CATSPERG: variants seen among roughly 807,000 people sequenced by gnomAD.
The protein encoded by CATSPERG is catsper channel auxiliary subunit gamma, also known as cation channel sperm-associated auxiliary subunit gamma.
In CATSPERG, 115 loss-of-function variants were observed where a neutral mutation model predicts 145.0. That is an observed-to-expected ratio of 0.79 (90% CI 0.68 to 0.93). The LOEUF (loss-of-function observed/expected upper bound fraction) is 0.93. Ranked by LOEUF, CATSPERG falls within the 40% of genes least tolerant of loss-of-function variation. CATSPERG has a pLI of 0.00. For missense variants in CATSPERG, 1,296 were observed against 1,490.1 expected (o/e 0.87, Z 2.14); for synonymous variants, 588 against 589.0 (o/e 1.00, Z 0.02).
At position 38,361,552 on chromosome 19, in the gene CATSPERG, T is replaced by A. The variant is rs1970344547; in HGVS notation, c.1881-96T>A. The stretch of plus-strand genomic sequence containing the variant: ...GGAGGAAGATTCGGGCTGGATTCGA[T>A]ACGGGAAGTGGGTGGGGTGGGAAAG... On this transcript the variant is annotated intron_variant, in intron 16 of 28. Coordinates refer to ENST00000409235, the MANE Select transcript of CATSPERG (RefSeq NM_021185.5). 4.1e-6 allele frequency: 4 copies of A among 985,514 alleles called. No homozygotes were observed. The African/African-American group carries it at 6.5e-5, about 16-fold the overall frequency. The allele number at this position is 985,514 out of a possible 1,614,324, so 61.0% of individuals were successfully genotyped here.
intron 3 of CATSPERG, 66 bp downstream of exon 3, chr19:38,337,712 A>T (rs1009360525): frequency 1.5e-6 from 2 of 1,313,466 alleles, no homozygotes; most frequent in African/African-American, 1.5e-5. Flanking sequence ...TAACATTTTT[A>T]TTTATTTATT....
At chr19:38,336,477 A>G in intron 1 of CATSPERG, 1 of 301,588 alleles carries the variant, frequency 3.3e-6, no homozygotes, top group South Asian at 2.6e-5. Context: ...AGTGAGGAGC[A>G]AGCCCCGGGC....
At chr19:38,357,352 TAAAA>T (rs71165536) in intron 11 of CATSPERG, among the ~76,000 whole-genome samples, 7 of 115,426 alleles carry the variant, frequency 6.1e-5, no homozygotes, top group East Asian at 2.6e-4. Flanking sequence ...CTCTACAAAT[TAAAA>T]AAAAAAAAAA....
chr19:38,345,858 C>G (rs1311505612), intron 6 of CATSPERG, among the ~76,000 whole-genome samples: 1 of 152,146 alleles, frequency 6.6e-6, no homozygotes, highest in Non-Finnish European at 1.5e-5. Context: ...TTCATTGATG[C>G]AGTCACTCAG....
intron 28 of CATSPERG, 80 bp from the exon 29 acceptor site, chr19:38,370,446 T>C: frequency 6.3e-7 from 1 of 1,575,590 alleles, no homozygotes; most frequent in East Asian, 2.2e-5. Flanking sequence ...TCTGTCAATT[T>C]CCCTGTCACT....
chr19:38,346,560 C>T lies in CATSPERG; in HGVS notation c.780C>T (p.Tyr260=), dbSNP rs769445715. Residue 260 remains tyrosine (Y), a synonymous_variant, in exon 7 of 29, where the codon TAC becomes TAT. Coordinates refer to ENST00000409235, the MANE Select transcript of CATSPERG (RefSeq NM_021185.5). ...TGGGAGGCATTCCCAATGAGAAGTA[C>T]GTCCTGATGACTGACACCAGCTTCA... is the stretch of plus-strand genomic sequence containing the variant. ...LILGGIPNEK[Y]VLMTDTSFKD... is the part of the protein sequence containing the mutation. The T allele has an allele frequency of 4.3e-5, 67 of 1,551,604 alleles. No homozygotes were observed. The Admixed American group carries it at 7.6e-4, about 18-fold the overall frequency.
intron 17 of CATSPERG, 152 bp downstream of exon 17, chr19:38,362,013 T>C: frequency 1.1e-6 from 1 of 909,630 alleles, no homozygotes; most frequent in Admixed American, 2.5e-5. Flanking sequence ...GGGGCCTGGC[T>C]TGAGCAGGAC....
Position 38,367,195 on chromosome 19 carries a change from G to C in CATSPERG, c.2653G>C (p.Gly885Arg). The C allele has an allele frequency of 6.2e-7, 1 of 1,613,720 alleles. No homozygotes were observed. Among genetic ancestry groups the C allele is most frequent in the Non-Finnish European group, 8.5e-7 (1 of 1,179,936 alleles). Residue 885 changes from glycine (G) to arginine (R), a missense_variant, in exon 23 of 29, where the codon GGC (glycine) becomes CGC (arginine). Gly to Arg is a moderately radical substitution (Grantham distance 125, BLOSUM62 -2). Transcript: ENST00000409235. ...MVPVFIGCPPGKRLAFDITYT... is the reference protein window; with the variant it reads ...MVPVFIGCPPRKRLAFDITYT... ...GCCAGTGTTCATTGGCTGCCCCCCA[G>C]GCAAGCGCCTGGCCTTCGACATCAC...
At position 38,337,254 on chromosome 19, in the gene CATSPERG, T is replaced by C; in HGVS notation, c.20T>C (p.Phe7Ser). ...CACGTTATGTGCGGCCCAGCCATGTTCCCTGCCGGTCCTCCGTGGCCCAGA... is the reference window on the plus strand; with the variant it reads ...CACGTTATGTGCGGCCCAGCCATGTCCCCTGCCGGTCCTCCGTGGCCCAGA... MCGPAM[F>S]PAGPPWPRVR... The change falls in exon 2 of 29, where the codon TTC (phenylalanine) becomes TCC (serine). Residue 7 changes from phenylalanine to serine, a missense_variant. By Grantham distance (155) the Phe-to-Ser change is radical. Transcript: ENST00000409235. The C allele has an allele frequency of 6.4e-7, 1 of 1,551,400 alleles. No homozygotes were observed. The highest frequency in any genetic ancestry group is 8.7e-7 in the Non-Finnish European group (1 of 1,147,014).
Position 38,370,781 on chromosome 19 carries a change from T to G in CATSPERG, c.3469T>G (p.Leu1157Val). 2 of 1,613,578 alleles carry G rather than the reference T, an allele frequency of 1.2e-6. No individual in the cohort carries two copies. Among genetic ancestry groups the G allele is most frequent in the Non-Finnish European group, 1.7e-6 (2 of 1,179,608 alleles). The stretch of plus-strand genomic sequence containing the variant: ...ACCCAAGGAAGCCGTGGAGAGACAG[T>G]TGATGACCTGAGTGTCCCACCTGCC... ...AEPKEAVERQ[L>V]MT The change falls in exon 29 of 29, where the codon TTG becomes GTG. Residue 1157 changes from leucine to valine, a missense_variant. Physicochemically the swap from Leu to Val is conservative, Grantham distance 32 (BLOSUM62 1). Coordinates refer to ENST00000409235, the MANE Select transcript of CATSPERG (RefSeq NM_021185.5).
intron 8 of CATSPERG, among the ~76,000 whole-genome samples, chr19:38,353,159 C>T (rs191260316): frequency 1.1e-4 from 17 of 150,876 alleles, no homozygotes; most frequent in African/African-American, 4.1e-4. Flanking sequence ...CCTGGTGAAA[C>T]CCCATCTCTG....
intron 1 of CATSPERG, 191 bp downstream of exon 1, chr19:38,336,066 G>C (rs1200721791): frequency 1.0e-5 from 4 of 397,952 alleles, no homozygotes; most frequent in East Asian, 8.7e-5. Context: ...AGGAGGGAAA[G>C]GGGGAGCCGA....
Position 38,360,573 on chromosome 19 carries a change from A to G in CATSPERG, c.1693A>G (p.Met565Val), listed in dbSNP as rs762604585. The G allele has an allele frequency of 2.5e-6, 4 of 1,614,200 alleles. No homozygotes were observed. In the South Asian group the frequency reaches 4.4e-5, roughly 18 times the overall value. ...GCAGGTGCACATCAGCTTAAAGCTG[A>G]TGCAACAGTCCTCTCTCTACGCATC... ...GWQVHISLKL[M>V]QQSSLYASNE... Residue 565 changes from methionine (M) to valine (V), a missense_variant, in exon 15 of 29, where the codon ATG becomes GTG. Coordinates refer to ENST00000409235, the MANE Select transcript of CATSPERG (RefSeq NM_021185.5).
chr19:38,355,016 G>A lies in CATSPERG; in HGVS notation c.1135+169G>A, dbSNP rs187589806. Reference sequence around the variant, plus strand: ...GCGTTTGTAGGGGTAGGGCTTGGGGGTATGTTATGTATCTTTCATGATGTA... The same window carrying A: ...GCGTTTGTAGGGGTAGGGCTTGGGGATATGTTATGTATCTTTCATGATGTA... On this transcript the variant is annotated intron_variant, in intron 9 of 28. Transcript: ENST00000409235. Among the ~76,000 whole-genome samples the A allele has an allele frequency of 3.9e-5, 6 of 152,258 alleles. No homozygotes were observed. In the East Asian group the frequency reaches 7.7e-4, roughly 20 times the overall value.
chr19:38,340,164 A>C (rs762081869), intron 3 of CATSPERG, among the ~76,000 whole-genome samples: 2 of 151,754 alleles, frequency 1.3e-5, no homozygotes, highest in Non-Finnish European at 2.9e-5. Flanking sequence ...TGTTGAGATT[A>C]TTCTTTCCCC....
At position 38,370,058 on chromosome 19, in the gene CATSPERG, G is replaced by C. The variant is rs1811061842; in HGVS notation, c.3107G>C (p.Ser1036Thr). The C allele has an allele frequency of 1.1e-5, 18 of 1,614,048 alleles. No homozygotes were observed. Among genetic ancestry groups the C allele is most frequent in the Non-Finnish European group, 1.5e-5 (18 of 1,180,012 alleles). The change falls in exon 27 of 29, where the codon AGC becomes ACC. Residue 1036 changes from serine (S) to threonine (T), a missense_variant. Coordinates refer to ENST00000409235, the MANE Select transcript of CATSPERG (RefSeq NM_021185.5). The part of the protein sequence containing the change: ...APEFFFKVLV[S>T]NRGVDTSTYC... ...GAATTCTTCTTCAAGGTGTTGGTGAGCAATAGGTGAGCCAGGCAAGTGGCC... is the reference window on the plus strand; with the variant it reads ...GAATTCTTCTTCAAGGTGTTGGTGACCAATAGGTGAGCCAGGCAAGTGGCC...
chr19:38,362,018 C>A, intron 17 of CATSPERG, 157 bp downstream of exon 17: 1 of 906,492 alleles, frequency 1.1e-6, no homozygotes, highest in Non-Finnish European at 1.7e-6. Flanking sequence ...CTGGCTTGAG[C>A]AGGACTTCCA....
intron 24 of CATSPERG, 53 bp from the exon 25 acceptor site, chr19:38,367,628 G>A: frequency 6.2e-7 from 1 of 1,611,620 alleles, no homozygotes; most frequent in Non-Finnish European, 8.5e-7. Context: ...AAGGAGATGG[G>A]TGCAGGACTC....
chr19:38,343,974 GC>G lies in CATSPERG; in HGVS notation c.470-16del, dbSNP rs1969982188. On this transcript the variant is annotated intron_variant, in intron 4 of 28. Transcript: ENST00000409235. ...ATTGGGAGGCCCCAGCAGTTTCAGT[GC>G]CCAGGGCCTCCCTGCAGAGCCATGC... is the stretch of plus-strand genomic sequence containing the variant. The G allele has an allele frequency of 1.9e-6, 3 of 1,548,694 alleles. No individual in the cohort carries two copies. In the South Asian group the frequency reaches 3.6e-5, roughly 18 times the overall value.
Sources: allele counts gnomAD v4.1 joint callset (sites outside exome capture counted in the v4.1 genomes callset), GRCh38; gene constraint gnomAD v4.1.1; transcripts MANE v1.5; gene names NCBI Gene and HGNC (gene_info 2026-07-23, HGNC 2026-07-21).